Variants in UPRT observed in about 807,000 individuals in gnomAD.
UPRT encodes the protein RP11-311P8.3.
A neutral mutation model predicts 22.6 loss-of-function variants in UPRT; 5 were observed. The ratio of observed to expected loss-of-function variants is 0.22; its 90% CI spans 0.12 to 0.47. UPRT has a LOEUF of 0.47. UPRT is among the 20% of genes least tolerant of loss of function. UPRT has a pLI of 0.99. For missense variants in UPRT, 181 were observed against 239.9 expected (o/e 0.75, Z 1.62); for synonymous variants, 77 against 87.7 (o/e 0.88, Z 0.68).
intron 3 of UPRT, among the ~76,000 whole-genome samples, chrX:75,166,581 CT>C (rs1008748051): frequency 2.1e-4 from 23 of 110,369 alleles, no homozygotes; most frequent in South Asian, 3.8e-4. Context: ...CTTTCCAATT[CT>C]TTTTTTTTAA....
chrX:75,186,179 A>G (rs1382734180), intron 4 of UPRT, among the ~76,000 whole-genome samples: 1 of 110,160 alleles, frequency 9.1e-6, no homozygotes, highest in Non-Finnish European at 1.9e-5. Flanking sequence ...ATTTCCCTCT[A>G]CACACTGCTT....
At chrX:75,258,623 T>C (rs1007013086) in intron 4 of UPRT, among the ~76,000 whole-genome samples, 9 of 111,959 alleles carry the variant, frequency 8.0e-5, no homozygotes. Flanking sequence ...GCAACCCCAG[T>C]CAGGGGCTTA....
chrX:75,200,526 G>A (rs777073026), intron 4 of UPRT, among the ~76,000 whole-genome samples: 2 of 112,314 alleles, frequency 1.8e-5, no homozygotes, highest in African/African-American at 3.2e-5. Flanking sequence ...CCCAAGAGCC[G>A]GAGATTGCAG....
At position 75,303,828 on chromosome X, in the gene UPRT, A is replaced by G. The variant is rs981550817; in HGVS notation, c.*317A>G. The G allele has an allele frequency of 6.1e-6, 1 of 163,414 alleles. No homozygotes were observed. Among genetic ancestry groups the G allele is most frequent in the Admixed American group, 8.0e-5 (1 of 12,443 alleles). 13.5% of individuals were successfully genotyped at this position (163,414 alleles called of 1,213,427 possible). ...AGTTTGGAGGTTGCTTGAAGCCACA[A>G]ATAAAACTCAAATGAGAGTCAGTTC... is the stretch of plus-strand genomic sequence containing the variant. On this transcript the variant is annotated 3_prime_UTR_variant, in exon 7 of 7. Coordinates refer to ENST00000373383, the MANE Select transcript of UPRT (RefSeq NM_145052.4).
intron 4 of UPRT, among the ~76,000 whole-genome samples, chrX:75,262,418 A>G (rs2082571814): frequency 9.0e-6 from 1 of 111,679 alleles, no homozygotes; most frequent in Non-Finnish European, 1.9e-5. Context: ...GACAGGAACA[A>G]ATTTACACAT....
At chrX:75,227,715 C>T (rs781333100) in intron 4 of UPRT, among the ~76,000 whole-genome samples, 56 of 112,316 alleles carry the variant, frequency 5.0e-4, no homozygotes, top group African/African-American at 1.6e-3. Flanking sequence ...ATACATAGTG[C>T]ATATACTTAC....
intron 2 of UPRT, among the ~76,000 whole-genome samples, chrX:75,161,537 G>A (rs942095057): frequency 3.6e-5 from 4 of 112,253 alleles, no homozygotes; most frequent in Non-Finnish European, 7.5e-5. Context: ...TGCATATCAT[G>A]CAAAATAATA....
At chrX:75,260,456 G>C (rs910925787) in intron 4 of UPRT, among the ~76,000 whole-genome samples, 4 of 112,280 alleles carry the variant, frequency 3.6e-5, no homozygotes, top group African/African-American at 1.3e-4. Context: ...TGCAATCCTA[G>C]TCTCTGATAA....
chrX:75,222,417 C>T (rs1257808977), intron 4 of UPRT, among the ~76,000 whole-genome samples: 1 of 111,873 alleles, frequency 8.9e-6, no homozygotes, highest in African/African-American at 3.3e-5. Context: ...CTGTTCTTCC[C>T]TTCTGGTGGC....
chrX:75,205,379 G>A (rs1405194917), intron 4 of UPRT, among the ~76,000 whole-genome samples: 9 of 50,249 alleles, frequency 1.8e-4, no homozygotes, highest in Admixed American at 8.2e-4. Context: ...GCGAGACTCC[G>A]TCTCAAAAAA....
At chrX:75,178,844 G>T (rs374365235) in intron 4 of UPRT, among the ~76,000 whole-genome samples, 2 of 111,514 alleles carry the variant, frequency 1.8e-5, no homozygotes, top group Non-Finnish European at 3.8e-5. Flanking sequence ...CTTCCACAGT[G>T]TGGAAGGGGA....
chrX:75,180,681 G>GTTTTTTTTTTTT (rs59522302), intron 4 of UPRT, among the ~76,000 whole-genome samples: 4 of 43,905 alleles, frequency 9.1e-5, no homozygotes, highest in Admixed American at 3.6e-4. Context: ...CCTTTTCTCT[G>GTTTTTTTTTTTT]TTTTTTTTTT....
At chrX:75,170,011 T>A (rs1214295551) in intron 4 of UPRT, among the ~76,000 whole-genome samples, 1 of 107,106 alleles carries the variant, frequency 9.3e-6, no homozygotes, top group African/African-American at 3.4e-5. Context: ...AGGCCTTTTA[T>A]CATTATATAA....
intron 4 of UPRT, among the ~76,000 whole-genome samples, chrX:75,267,949 C>CA (rs959424602): frequency 2.7e-5 from 3 of 110,175 alleles, no homozygotes; most frequent in Non-Finnish European, 5.7e-5. Context: ...AAAAAACCCT[C>CA]AAAAAAAATC....
At chrX:75,215,886 C>A (rs2082391584) in intron 4 of UPRT, among the ~76,000 whole-genome samples, 1 of 111,187 alleles carries the variant, frequency 9.0e-6, no homozygotes, top group African/African-American at 3.3e-5. Flanking sequence ...ATATCAATAA[C>A]CTCCCCAAAC....
chrX:75,173,879 C>T (rs1569258246), intron 4 of UPRT, among the ~76,000 whole-genome samples: 2 of 112,220 alleles, frequency 1.8e-5, no homozygotes, highest in Non-Finnish European at 3.8e-5. Context: ...GCAGGGCTGG[C>T]CGGCTGCTCC....
At chrX:75,220,346 T>G (rs894784543) in intron 4 of UPRT, among the ~76,000 whole-genome samples, 2 of 111,372 alleles carry the variant, frequency 1.8e-5, no homozygotes, top group African/African-American at 6.5e-5. Context: ...CATCTTGATT[T>G]TTAATCCATT....
At chrX:75,177,279 C>T (rs988620110) in intron 4 of UPRT, among the ~76,000 whole-genome samples, 1 of 109,249 alleles carries the variant, frequency 9.2e-6, no homozygotes, top group African/African-American at 3.5e-5. Context: ...GGTCCCTGGA[C>T]CCTGCTGATC....
intron 4 of UPRT, among the ~76,000 whole-genome samples, chrX:75,267,904 T>G (rs1317625381): frequency 9.1e-6 from 1 of 110,341 alleles, no homozygotes; most frequent in Non-Finnish European, 1.9e-5. Flanking sequence ...AAGAAATAAC[T>G]AAGATCAGAG....
Sources: allele counts gnomAD v4.1 joint callset (sites outside exome capture counted in the v4.1 genomes callset), GRCh38; gene constraint gnomAD v4.1.1; transcripts MANE v1.5; gene names NCBI Gene and HGNC (gene_info 2026-07-23, HGNC 2026-07-21).